MALRD1: variants seen among roughly 807,000 people sequenced by gnomAD.
MALRD1 encodes the protein MAM and LDL receptor class A domain containing 1, also known as MAM and LDL-receptor class A domain-containing protein 1.
MALRD1 carries 247 observed loss-of-function variants against 242.1 expected under a neutral mutation model. The ratio of observed to expected loss-of-function variants is 1.02; its 90% CI spans 0.92 to 1.13. The LOEUF (loss-of-function observed/expected upper bound fraction) is 1.13, where lower values mean the gene tolerates loss of function less well. Ranked by LOEUF, MALRD1 falls within the 50% of genes most tolerant of loss-of-function variation. The pLI is 0.00. For missense variants in MALRD1, 2,989 were observed against 2,533.1 expected (o/e 1.18, Z -3.86); for synonymous variants, 995 against 866.6 (o/e 1.15, Z -2.60).
At chr10:19,181,094 G>A (rs1046188010) in intron 14 of MALRD1, among the ~76,000 whole-genome samples, 1 of 152,126 alleles carries the variant, frequency 6.6e-6, no homozygotes, top group African/African-American at 2.4e-5. Flanking sequence ...GGAGAAAAGA[G>A]TACTCATACT....
At chr10:19,165,265 A>ATATATATATATATATATATATATATTTTG in intron 12 of MALRD1, among the ~76,000 whole-genome samples, 1 of 130,284 alleles carries the variant, frequency 7.7e-6, no homozygotes, top group African/African-American at 3.2e-5. Context: ...ATATATATAT[A>ATATATATATATATATATATATATATTTTG]TTTTGTTTTG....
chr10:19,413,768 G>A (rs1372537601), intron 28 of MALRD1, among the ~76,000 whole-genome samples: 1 of 151,824 alleles, frequency 6.6e-6, no homozygotes, highest in Non-Finnish European at 1.5e-5. Context: ...TGGATCACAA[G>A]GTCAGGAGTT....
chr10:19,056,492 C>T (rs1834672020), intron 1 of MALRD1, among the ~76,000 whole-genome samples: 1 of 151,544 alleles, frequency 6.6e-6, no homozygotes, highest in Non-Finnish European at 1.5e-5. Context: ...TGGATGGTTT[C>T]TTATTAGTAT....
chr10:19,137,607 G>GAAAAA (rs34768480), intron 10 of MALRD1, among the ~76,000 whole-genome samples: 6 of 84,442 alleles, frequency 7.1e-5, no homozygotes, highest in African/African-American at 1.3e-4. Context: ...GACTCCGTCT[G>GAAAAA]AAAAAAAAAA....
At chr10:19,134,001 T>C in intron 9 of MALRD1, 53 bp downstream of exon 9, 1 of 959,076 alleles carries the variant, frequency 1.0e-6, no homozygotes, top group Non-Finnish European at 1.4e-6. Context: ...GTTTTAGCTT[T>C]GCAGTAATAA....
intron 19 of MALRD1, among the ~76,000 whole-genome samples, chr10:19,274,748 C>T (rs1399881673): frequency 6.6e-6 from 1 of 152,064 alleles, no homozygotes; most frequent in Non-Finnish European, 1.5e-5. Flanking sequence ...TTGTAGGACT[C>T]AACTCATATG....
At chr10:19,533,222 A>G (rs1002064110) in intron 32 of MALRD1, among the ~76,000 whole-genome samples, 1 of 152,202 alleles carries the variant, frequency 6.6e-6, no homozygotes, top group Admixed American at 6.5e-5. Flanking sequence ...GTGTTTAGCC[A>G]TGTTTCTGTA....
At chr10:19,451,610 A>G (rs2131044764) in intron 29 of MALRD1, among the ~76,000 whole-genome samples, 1 of 152,248 alleles carries the variant, frequency 6.6e-6, no homozygotes, top group Non-Finnish European at 1.5e-5. Context: ...CCCGCGACTA[A>G]AAGAGCTAAA....
At chr10:19,252,101 G>A (rs1839316395) in intron 18 of MALRD1, among the ~76,000 whole-genome samples, 1 of 152,020 alleles carries the variant, frequency 6.6e-6, no homozygotes, top group African/African-American at 2.4e-5. Context: ...TTACAGCAAT[G>A]TGAAAACGAA....
chr10:19,651,141 GCCA>G (rs1564516246), intron 36 of MALRD1, among the ~76,000 whole-genome samples: 1 of 152,070 alleles, frequency 6.6e-6, no homozygotes, highest in Admixed American at 6.6e-5. Context: ...TTGTTAAATG[GCCA>G]CAAGTCCAAA....
chr10:19,341,440 A>ATATATATATG (rs1843846461), intron 24 of MALRD1, among the ~76,000 whole-genome samples: 1 of 40,672 alleles, frequency 2.5e-5, no homozygotes, highest in Non-Finnish European at 4.8e-5. Context: ...CACTATATGT[A>ATATATATATG]TATATATATA....
intron 28 of MALRD1, among the ~76,000 whole-genome samples, chr10:19,392,297 G>A (rs1479993619): frequency 2.0e-5 from 3 of 152,086 alleles, no homozygotes; most frequent in Non-Finnish European, 2.9e-5. Context: ...GTGACAGAGT[G>A]GGAACCTGAA....
intron 28 of MALRD1, among the ~76,000 whole-genome samples, chr10:19,396,102 C>T (rs2130836801): frequency 6.6e-6 from 1 of 150,972 alleles, no homozygotes; most frequent in Non-Finnish European, 1.5e-5. Flanking sequence ...CAAATATTAA[C>T]TAATTCATTC....
intron 18 of MALRD1, among the ~76,000 whole-genome samples, chr10:19,216,083 A>G (rs1321436925): frequency 6.7e-6 from 1 of 148,542 alleles, no homozygotes; most frequent in Non-Finnish European, 1.5e-5. Context: ...AAGTAATACT[A>G]TATCTTTTTC....
intron 32 of MALRD1, among the ~76,000 whole-genome samples, chr10:19,535,182 C>G (rs541935044): frequency 6.6e-6 from 1 of 152,190 alleles, no homozygotes. Flanking sequence ...CTGCGCCCGA[C>G]CAAAGTTTTT....
chr10:19,471,624 T>G (rs1188952931), intron 29 of MALRD1, among the ~76,000 whole-genome samples: 1 of 150,546 alleles, frequency 6.6e-6, no homozygotes, highest in Non-Finnish European at 1.5e-5. Context: ...TTTTTTTTTT[T>G]TTTTACTTTT....
chr10:19,220,773 C>T (rs1346666341), intron 18 of MALRD1, among the ~76,000 whole-genome samples: 1 of 151,580 alleles, frequency 6.6e-6, no homozygotes, highest in Non-Finnish European at 1.5e-5. Flanking sequence ...GACTTAGTTC[C>T]TTGGCATAGT....
At chr10:19,692,886 T>TATATGTATATATATATATATATATATAA (rs373717863) in intron 38 of MALRD1, among the ~76,000 whole-genome samples, 5 of 136,868 alleles carry the variant, frequency 3.7e-5, no homozygotes, top group Admixed American at 2.9e-4. Flanking sequence ...TATATATATA[T>TATATGTATATATATATATATATATATAA]AATTTCATCC....
At chr10:19,444,223 C>T (rs1407390781) in intron 28 of MALRD1, among the ~76,000 whole-genome samples, 1 of 152,074 alleles carries the variant, frequency 6.6e-6, no homozygotes, top group Non-Finnish European at 1.5e-5. Flanking sequence ...AGATGGGTCT[C>T]CTCAATACAG....
Sources: gnomAD v4.1 joint callset for allele counts (sites outside exome capture counted in the v4.1 genomes callset) on GRCh38, gnomAD v4.1.1 for gene constraint, MANE v1.5 for transcripts, NCBI Gene and HGNC (gene_info 2026-07-23, HGNC 2026-07-21) for gene names.